Variants in KCTD15 observed in about 807,000 individuals in gnomAD.
The protein encoded by KCTD15 is BTB/POZ domain-containing protein KCTD15.
KCTD15 carries 11 observed loss-of-function variants against 27.2 expected under a neutral mutation model. The observed-to-expected ratio is 0.41, with a 90% CI of 0.25 to 0.67. The LOEUF (loss-of-function observed/expected upper bound fraction) is 0.67, where lower values mean the gene tolerates loss of function less well. KCTD15 is among the 30% of genes least tolerant of loss of function. KCTD15 has a pLI of 0.35. For missense variants in KCTD15, 350 were observed against 409.3 expected (o/e 0.86, Z 1.25); for synonymous variants, 163 against 176.0 (o/e 0.93, Z 0.58).
At chr19:33,805,519 C>T (rs1975683493) in intron 4 of KCTD15, among the ~76,000 whole-genome samples, 1 of 152,186 alleles carries the variant, frequency 6.6e-6, no homozygotes. Flanking sequence ...GCAGGGGTCC[C>T]TGCTGGTGCA....
upstream of KCTD15, among the ~76,000 whole-genome samples, chr19:33,794,613 T>A (rs1975264871): frequency 6.6e-6 from 1 of 152,054 alleles, no homozygotes; most frequent in African/African-American, 2.4e-5. Flanking sequence ...CTTCCCTCAT[T>A]CCACCCTCCA....
intron 4 of KCTD15, among the ~76,000 whole-genome samples, chr19:33,803,389 G>A (rs1975621953): frequency 6.6e-6 from 1 of 152,242 alleles, no homozygotes; most frequent in Non-Finnish European, 1.5e-5. Flanking sequence ...CTCACCTAGT[G>A]TCACTGATCT....
chr19:33,797,186 G>C (rs1258516496), intron 1 of KCTD15, among the ~76,000 whole-genome samples, 199 bp downstream of exon 1: 1 of 151,982 alleles, frequency 6.6e-6, no homozygotes, highest in Non-Finnish European at 1.5e-5. Context: ...GCCCACGTGG[G>C]CTGGTCCTGG....
At chr19:33,795,581 C>T (rs1003587346), upstream of KCTD15, among the ~76,000 whole-genome samples, 1 of 151,922 alleles carries the variant, frequency 6.6e-6, no homozygotes. Context: ...TGGAGCCAGG[C>T]GGGGGCGCAG....
intron 6 of KCTD15, chr19:33,812,004 C>T: frequency 1.4e-6 from 2 of 1,460,370 alleles, no homozygotes; most frequent in Non-Finnish European, 1.8e-6. Context: ...CCGGCTCTTC[C>T]TGGATGGGTC....
rs1975537440 is a variant in KCTD15, at chr19:33,801,328, G to C, written c.228G>C (p.Lys76Asn). ...MYTSSLATLT[K>N]YPDSRISRLF... ...CCAGCAGCCTGGCCACGCTCACCAA[G>C]TACCCTGACTCCAGGTAAGAGTAAG... Residue 76 changes from lysine to asparagine, a missense_variant, in exon 4 of 7, where the codon AAG becomes AAC. By Grantham distance (94) the Lys-to-Asn change is moderately conservative. Coordinates refer to ENST00000683859, the MANE Select transcript of KCTD15 (RefSeq NM_001129994.2). 3 of 1,610,680 alleles carry C rather than the reference G, an allele frequency of 1.9e-6. No individual in the cohort carries two copies. Among genetic ancestry groups the C allele is most frequent in the Non-Finnish European group, 2.5e-6 (3 of 1,178,378 alleles).
At chr19:33,802,419 G>C (rs958261902) in intron 4 of KCTD15, among the ~76,000 whole-genome samples, 1 of 152,214 alleles carries the variant, frequency 6.6e-6, no homozygotes, top group African/African-American at 2.4e-5. Context: ...ATGGTAGTGC[G>C]CAGAGGTGGC....
upstream of KCTD15, among the ~76,000 whole-genome samples, chr19:33,795,379 A>C (rs1439080735): frequency 1.3e-5 from 2 of 151,250 alleles, no homozygotes; most frequent in Non-Finnish European, 3.0e-5. Flanking sequence ...CCCCCACTTC[A>C]CCTTCCTCCC....
rs1247429769 is a variant in KCTD15, at chr19:33,815,674, C to A, written c.*2726C>A. The A allele has an allele frequency of 7.4e-6, 1 of 134,502 alleles. No individual in the cohort carries two copies. The highest frequency in any genetic ancestry group is 1.5e-5 in the Non-Finnish European group (1 of 65,094). 8.3% of individuals were successfully genotyped at this position (134,502 alleles called of 1,614,324 possible). A position where few individuals can be genotyped will look rare whatever the true frequency, so the allele number is the denominator to read the frequency against. On this transcript the variant is annotated 3_prime_UTR_variant, in exon 7 of 7. Coordinates refer to ENST00000683859, the MANE Select transcript of KCTD15 (RefSeq NM_001129994.2). ...TGCCAGGTCACAACACTAAGAATAT[C>A]TTTCAAAAAATGTGTCTTTTTTTTT...
intron 2 of KCTD15, among the ~76,000 whole-genome samples, chr19:33,799,000 C>T (rs912273001): frequency 1.3e-5 from 2 of 152,202 alleles, no homozygotes; most frequent in Non-Finnish European, 2.9e-5. Context: ...CCAGCAGAGC[C>T]TCCTAGGGCA....
upstream of KCTD15, chr19:33,796,216 C>T (rs1975312721): frequency 6.6e-6 from 1 of 151,290 alleles, no homozygotes; most frequent in African/African-American, 2.4e-5. Flanking sequence ...ATCAGCCTCT[C>T]CCCCGCCCCC....
chr19:33,801,529 G>A (rs1013456303), intron 4 of KCTD15, 187 bp downstream of exon 4: 1 of 511,088 alleles, frequency 2.0e-6, no homozygotes, highest in Admixed American at 3.8e-5. Flanking sequence ...AAGCTGCTAT[G>A]CACAGAGGCT....
In KCTD15 at chr19:33,800,539, C is replaced by CT; in HGVS notation, c.66+20dup. ...CACCGCGGTGAGCCTGCAGGGTGGG[C>CT]TGGGTCCCTGCCGGGAGTTCCCTCT... On this transcript the variant is annotated intron_variant, in intron 3 of 6. Coordinates refer to ENST00000683859, the MANE Select transcript of KCTD15 (RefSeq NM_001129994.2). 6.4e-7 allele frequency: 1 copy of CT among 1,573,324 alleles called. No individual in the cohort carries two copies. The highest frequency in any genetic ancestry group is 1.8e-5 in the Admixed American group (1 of 54,298).
chr19:33,795,280 C>T (rs1324241252), upstream of KCTD15, among the ~76,000 whole-genome samples: 2 of 152,180 alleles, frequency 1.3e-5, no homozygotes, highest in African/African-American at 2.4e-5. Context: ...AGGAAAGTTT[C>T]GGCTGATTCC....
intron 4 of KCTD15, 40 bp from the exon 5 acceptor site, chr19:33,806,823 C>T: frequency 6.2e-7 from 1 of 1,604,122 alleles, no homozygotes; most frequent in Non-Finnish European, 8.5e-7. Context: ...CAGACTTGTC[C>T]CCATCCCTTC....
chr19:33,803,845 T>TAA (rs11444875), intron 4 of KCTD15, among the ~76,000 whole-genome samples: 5 of 146,850 alleles, frequency 3.4e-5, no homozygotes, highest in African/African-American at 1.2e-4. Flanking sequence ...AGCCAGAGCT[T>TAA]AAAAAAAAAA....
chr19:33,811,895 A>G (rs538840126), intron 6 of KCTD15: 2 of 1,586,642 alleles, frequency 1.3e-6, no homozygotes, highest in East Asian at 2.2e-5. Flanking sequence ...CAGGCGAGGC[A>G]GGACAGAGGC....
rs544609540 is a variant in KCTD15 at position 33,812,372 on chromosome 19, C to T, written c.694-418C>T. On this transcript the variant is annotated intron_variant, in intron 6 of 6. Coordinates refer to ENST00000683859, the MANE Select transcript of KCTD15 (RefSeq NM_001129994.2). ...CACAGCTCAGGGAAGCTGGTGGATG[C>T]CTAGAGGCTGAAGGACAGGGAACTC... 3.4e-5 allele frequency: 35 copies of T among 1,027,158 alleles called. No individual in the cohort carries two copies. In the African/African-American group the frequency reaches 4.6e-4, roughly 13 times the overall value. 63.6% of individuals were successfully genotyped at this position (1,027,158 alleles called of 1,614,324 possible). A position where few individuals can be genotyped will look rare whatever the true frequency, so the allele number is the denominator to read the frequency against.
rs1975338440 is a variant in KCTD15, at chr19:33,797,000, C to T, written c.-127+13C>T. 1 of 152,030 alleles carries T rather than the reference C, an allele frequency of 6.6e-6. No homozygotes were observed. Among genetic ancestry groups the T allele is most frequent in the East Asian group, 2.0e-4 (1 of 5,118 alleles). 9.4% of individuals were successfully genotyped at this position (152,030 alleles called of 1,614,324 possible). A position where few individuals can be genotyped will look rare whatever the true frequency, so the allele number is the denominator to read the frequency against. ...TGCCGGCTCCGAGGTAAGCTCAGCG[C>T]GGGCGGCCACCGCTCAGAGCCGCGC... On this transcript the variant is annotated intron_variant, in intron 1 of 6. Transcript: ENST00000683859.
Sources: allele counts gnomAD v4.1 joint callset (sites outside exome capture counted in the v4.1 genomes callset), GRCh38; gene constraint gnomAD v4.1.1; transcripts MANE v1.5; gene names NCBI Gene and HGNC (gene_info 2026-07-23, HGNC 2026-07-21).